AGA: variants seen among roughly 807,000 people sequenced by gnomAD.
The protein encoded by AGA is aspartylglucosaminidase, also known as N(4)-(beta-N-acetylglucosaminyl)-L-asparaginase.
Under a neutral mutation model 40.1 loss-of-function variants are expected in AGA, and 31 were observed. That is an observed-to-expected ratio of 0.77 (90% CI 0.58 to 1.04). The LOEUF is 1.04. AGA is among the 50% of genes least tolerant of loss of function. The pLI, the probability that AGA is intolerant of heterozygous loss-of-function variation, is 0.00. For missense variants in AGA, 445 were observed against 435.4 expected, an observed-to-expected ratio of 1.02 and a Z score of -0.20; for synonymous variants, 148 against 144.0, an observed-to-expected ratio of 1.03 and a Z score of -0.20.
chr4:177,441,920 C>T lies in AGA; in HGVS notation c.127+329G>A, dbSNP rs77894559. Among the ~76,000 whole-genome samples, 153 of 152,358 alleles carry T rather than the reference C, an allele frequency of 1.0e-3. 2 individuals are homozygous for T. In the East Asian group the frequency reaches 0.024, roughly 24 times the overall value. ...CGTACACAGCCCGTGAAAAGACTGT[C>T]AGGCAGAAAAGCGTAGCTGCTACTT... On this transcript the variant is annotated intron_variant, in intron 1 of 8. Transcript: ENST00000264595.
intron 3 of AGA, among the ~76,000 whole-genome samples, 182 bp downstream of exon 3, chr4:177,439,394 G>A (rs1736921081): frequency 6.6e-6 from 1 of 152,066 alleles, no homozygotes; most frequent in Non-Finnish European, 1.5e-5. Flanking sequence ...AACTTCCATT[G>A]CCTTCTTCTT....
Position 177,431,602 on chromosome 4 carries a change from A to C in AGA, c.*106T>G. The C allele has an allele frequency of 1.1e-6, 1 of 943,784 alleles. No individual in the cohort carries two copies. Among genetic ancestry groups the C allele is most frequent in the Non-Finnish European group, 1.7e-6 (1 of 594,602 alleles). The allele number at this position is 943,784 out of a possible 1,614,324, so 58.5% of individuals were successfully genotyped here. A position where few individuals can be genotyped will look rare whatever the true frequency, so the allele number is the denominator to read the frequency against. ...AAATTTATTTTTGTGTTTATTTTAC[A>C]AAAAGACTTTAGAACACATGAGGAA... On this transcript the variant is annotated 3_prime_UTR_variant, in exon 9 of 9. Coordinates refer to ENST00000264595, the MANE Select transcript of AGA (RefSeq NM_000027.4).
In AGA at chr4:177,431,087, C is replaced by T. The variant is rs1052129470; in HGVS notation, c.*621G>A. On this transcript the variant is annotated 3_prime_UTR_variant, in exon 9 of 9. Transcript: ENST00000264595. ...TTCTTGTGGCTTTAGAACTTTCACA[C>T]ACTGAGAGCTCCATAAGAGGAAAAA... 3 of 453,220 alleles carry T rather than the reference C, an allele frequency of 6.6e-6. No individual in the cohort carries two copies. Among genetic ancestry groups the T allele is most frequent in the Non-Finnish European group, 8.8e-6 (2 of 226,404 alleles). 28.1% of individuals were successfully genotyped at this position (453,220 alleles called of 1,614,324 possible).
In AGA at chr4:177,434,387, C is replaced by CA. The variant is rs386833436; in HGVS notation, c.800dup (p.Pro268AlafsTer52). On this transcript the variant is annotated frameshift_variant, in exon 7 of 9. Coordinates refer to ENST00000264595, the MANE Select transcript of AGA (RefSeq NM_000027.4). LOFTEE classifies it high-confidence loss of function. ...CACAAACTAAGAAGTCATACCTTGG[C>CA]AGGAAGCGCATCAATATATCACCAT... The CA allele has an allele frequency of 4.3e-6, 7 of 1,613,674 alleles. No individual in the cohort carries two copies. In the Admixed American group the frequency reaches 1.2e-4, roughly 27 times the overall value.
chr4:177,440,211 C>T, intron 2 of AGA, 62 bp downstream of exon 2: 1 of 1,593,676 alleles, frequency 6.3e-7, no homozygotes, highest in Non-Finnish European at 8.6e-7. Context: ...ATCTTGCTCT[C>T]AGAAGACCAC....
In AGA at chr4:177,442,422, C is replaced by A. The variant is rs200021845; in HGVS notation, c.-47G>T. The A allele has an allele frequency of 1.2e-6, 2 of 1,612,854 alleles. No individual in the cohort carries two copies. Among genetic ancestry groups the A allele is most frequent in the African/African-American group, 1.3e-5 (1 of 74,964 alleles). ...GCGCGAGAAAAGTCCCGGCAGCCAG[C>A]GATCGCCGAACAATTAATCCCCAGT... On this transcript the variant is annotated 5_prime_UTR_variant, in exon 1 of 9. Transcript: ENST00000264595.
chr4:177,433,199 C>T lies in AGA; in HGVS notation c.940+15G>A. On this transcript the variant is annotated intron_variant, in intron 8 of 8. Transcript: ENST00000264595. ...TTGGAAGTTCACACAAATACAAAAT[C>T]CAAACACAACTTACCGTAACTTCCA... The T allele has an allele frequency of 6.2e-7, 1 of 1,613,900 alleles. No homozygotes were observed. The highest frequency in any genetic ancestry group is 8.5e-7 in the Non-Finnish European group (1 of 1,179,922).
rs145465919 is a variant in AGA, at chr4:177,434,426, G to A, written c.762C>T (p.Ala254=). ...GAYADDTAGA[A]AATGNGDILM... ...ATATATCACCATTCCCAGTGGCTGCGGCTGCCCCTGCAGTATCGTCAGCAT... is the reference window on the plus strand; with the variant it reads ...ATATATCACCATTCCCAGTGGCTGCAGCTGCCCCTGCAGTATCGTCAGCAT... Residue 254 remains alanine, a synonymous_variant, in exon 7 of 9, where the codon GCC becomes GCT. Coordinates refer to ENST00000264595, the MANE Select transcript of AGA (RefSeq NM_000027.4). 1.3e-3 allele frequency: 2,108 copies of A among 1,614,104 alleles called. 3 individuals are homozygous for A. Among genetic ancestry groups the A allele is most frequent in the Non-Finnish European group, 1.5e-3 (1,793 of 1,180,018 alleles).
chr4:177,438,003 T>C (rs1736879711), intron 4 of AGA, among the ~76,000 whole-genome samples: 2 of 152,222 alleles, frequency 1.3e-5, no homozygotes, highest in Admixed American at 6.5e-5. Context: ...TTAAGATTCC[T>C]TTATAAATCT....
At chr4:177,433,180 G>A (rs1316846857) in intron 8 of AGA, 34 bp downstream of exon 8, 1 of 1,613,628 alleles carries the variant, frequency 6.2e-7, no homozygotes, top group Non-Finnish European at 8.5e-7. Context: ...ATATTTGGAA[G>A]TTCACACAAA....
At chr4:177,436,188 C>G (rs1456221667) in intron 6 of AGA, 88 bp downstream of exon 6, 16 of 1,045,432 alleles carry the variant, frequency 1.5e-5, no homozygotes, top group Non-Finnish European at 2.2e-5. Flanking sequence ...GAGACTAGGG[C>G]TGTGCTTTGC....
At chr4:177,441,692 GC>G (rs755208884) in intron 1 of AGA, among the ~76,000 whole-genome samples, 3 of 152,116 alleles carry the variant, frequency 2.0e-5, no homozygotes, top group Non-Finnish European at 4.4e-5. Flanking sequence ...CAGGAGGTGG[GC>G]CCCGGCAGGA....
intron 4 of AGA, 39 bp from the exon 5 acceptor site, chr4:177,437,558 AT>A: frequency 7.0e-7 from 1 of 1,437,436 alleles, no homozygotes; most frequent in Non-Finnish European, 9.8e-7. Flanking sequence ...TACAAAGGGT[AT>A]TTTTAGAAAT....
chr4:177,435,025 TG>T (rs1736765649), intron 6 of AGA, among the ~76,000 whole-genome samples: 1 of 151,916 alleles, frequency 6.6e-6, no homozygotes, highest in Non-Finnish European at 1.5e-5. Flanking sequence ...CTCAGCCTCC[TG>T]AGTAGCTGGG....
At chr4:177,440,480 C>G in intron 1 of AGA, 54 bp from the exon 2 acceptor site, 1 of 1,570,582 alleles carries the variant, frequency 6.4e-7, no homozygotes. Flanking sequence ...TTTTTCAATG[C>G]CAAATGCAAC....
chr4:177,433,059 G>A (rs1220828775), intron 8 of AGA, among the ~76,000 whole-genome samples, 155 bp downstream of exon 8: 2 of 152,068 alleles, frequency 1.3e-5, no homozygotes, highest in African/African-American at 4.8e-5. Flanking sequence ...TAACGCTGTG[G>A]GTCTTGAGAT....
intron 1 of AGA, 40 bp from the exon 2 acceptor site, chr4:177,440,466 T>A (rs1560950905): frequency 5.1e-6 from 7 of 1,363,722 alleles, no homozygotes; most frequent in African/African-American, 1.4e-5. Flanking sequence ...TATATATATA[T>A]TTTTTTTTCA....
Position 177,431,892 on chromosome 4 carries a change from G to C in AGA, c.941-84C>G, listed in dbSNP as rs3805167. On this transcript the variant is annotated intron_variant, in intron 8 of 8. Transcript: ENST00000264595. ...AATACAGATACTGCTTATTTGACTAGACACTGGCTACTGTATACCTTATGT... is the reference window on the plus strand; with the variant it reads ...AATACAGATACTGCTTATTTGACTACACACTGGCTACTGTATACCTTATGT... 0.77 allele frequency: 846,061 copies of C among 1,105,694 alleles called. 334,044 individuals carry two copies. The highest frequency in any genetic ancestry group is 0.82 in the Non-Finnish European group (604,654 of 737,124). The allele number at this position is 1,105,694 out of a possible 1,614,324, so 68.5% of individuals were successfully genotyped here.
intron 1 of AGA, among the ~76,000 whole-genome samples, chr4:177,441,599 A>C (rs555941931): frequency 6.6e-6 from 1 of 152,306 alleles, no homozygotes; most frequent in South Asian, 2.1e-4. Context: ...AGTGGTTCTC[A>C]ACCCTGTCTG....
Sources: gnomAD v4.1 joint callset for allele counts (sites outside exome capture counted in the v4.1 genomes callset) on GRCh38, gnomAD v4.1.1 for gene constraint, MANE v1.5 for transcripts, NCBI Gene and HGNC (gene_info 2026-07-23, HGNC 2026-07-21) for gene names.